ADAMTS3: variants seen among roughly 807,000 people sequenced by gnomAD.
The protein encoded by ADAMTS3 is A disintegrin and metalloproteinase with thrombospondin motifs 3.
A neutral mutation model predicts 129.0 loss-of-function variants in ADAMTS3; 73 were observed. The observed-to-expected ratio is 0.57, with a 90% CI of 0.47 to 0.69. The LOEUF (loss-of-function observed/expected upper bound fraction) is 0.69. Among genes scored for constraint, ADAMTS3 ranks in the 30% least tolerant of loss-of-function variants. ADAMTS3 has a pLI of 0.00. For synonymous variants in ADAMTS3, 477 were observed against 510.8 expected (o/e 0.93, Z 0.89); for missense variants, 1,457 against 1,514.5 (o/e 0.96, Z 0.63).
intron 19 of ADAMTS3, among the ~76,000 whole-genome samples, chr4:72,294,047 T>A (rs1718744877): frequency 6.6e-6 from 1 of 151,922 alleles, no homozygotes; most frequent in East Asian, 1.9e-4. Context: ...ACGGGAGAAT[T>A]TTTTTCAAAA....
chr4:72,336,764 T>C (rs1203882324), intron 5 of ADAMTS3, among the ~76,000 whole-genome samples: 3 of 152,162 alleles, frequency 2.0e-5, no homozygotes, highest in Non-Finnish European at 4.4e-5. Flanking sequence ...AAAAATTCTA[T>C]GCTGTGTAGG....
intron 4 of ADAMTS3, among the ~76,000 whole-genome samples, chr4:72,346,168 C>T (rs1720279128): frequency 6.6e-6 from 1 of 152,086 alleles, no homozygotes; most frequent in South Asian, 2.1e-4. Flanking sequence ...ATTGTGTCTT[C>T]CTGCATTACT....
intron 3 of ADAMTS3, among the ~76,000 whole-genome samples, chr4:72,519,477 A>G (rs1195376203): frequency 1.3e-5 from 2 of 152,164 alleles, no homozygotes; most frequent in Non-Finnish European, 2.9e-5. Context: ...AGGTACACAA[A>G]TCAGACATAG....
chr4:72,454,605 TG>T (rs1420014805), intron 3 of ADAMTS3, among the ~76,000 whole-genome samples: 6 of 151,748 alleles, frequency 4.0e-5, no homozygotes, highest in Non-Finnish European at 8.8e-5. Context: ...TTGTTGTTCT[TG>T]CCCATTATTA....
chr4:72,315,128 T>C (rs994353055), intron 11 of ADAMTS3, among the ~76,000 whole-genome samples: 1 of 152,176 alleles, frequency 6.6e-6, no homozygotes, highest in Non-Finnish European at 1.5e-5. Context: ...ACTTTATTTC[T>C]GGGCAACTTT....
In ADAMTS3 at chr4:72,541,660, C is replaced by G. The variant is rs1443771275; in HGVS notation, c.504+6818G>C. Among the ~76,000 whole-genome samples the G allele has an allele frequency of 3.9e-5, 6 of 152,104 alleles. No homozygotes were observed. The East Asian group carries it at 7.7e-4, about 20-fold the overall frequency. ...ATCATGGGGGTGCGTTTTTCCCATGCTGTTTTTGTGATAGTGAATATGTCT... is the reference window on the plus strand; with the variant it reads ...ATCATGGGGGTGCGTTTTTCCCATGGTGTTTTTGTGATAGTGAATATGTCT... On this transcript the variant is annotated intron_variant, in intron 3 of 21. Coordinates refer to ENST00000286657, the MANE Select transcript of ADAMTS3 (RefSeq NM_014243.3).
At position 72,283,596 on chromosome 4, in the gene ADAMTS3, C is replaced by A. The variant is rs370314161; in HGVS notation, c.3158G>T (p.Arg1053Leu). Residue 1053 changes from arginine (R) to leucine (L), a missense_variant, in exon 22 of 22, where the codon CGC becomes CTC. Transcript: ENST00000286657. Reference protein sequence around the residue: ...NKLCCESCSKRSSTLPPPYLL... With the variant: ...NKLCCESCSKLSSTLPPPYLL... ...GTATGGTGGTGGCAGGGTGCTACTGCGCTTGCTGCAGGACTCACAACATAA... is the reference window on the plus strand; with the variant it reads ...GTATGGTGGTGGCAGGGTGCTACTGAGCTTGCTGCAGGACTCACAACATAA... 1.2e-6 allele frequency: 2 copies of A among 1,613,790 alleles called. No individual in the cohort carries two copies. The highest frequency in any genetic ancestry group is 1.7e-6 in the Non-Finnish European group (2 of 1,179,926).
In ADAMTS3 at chr4:72,283,655, C is replaced by A. The variant is rs1483302079; in HGVS notation, c.3099G>T (p.Leu1033Phe). ...DKSIFCQMEV[L>F]ARYCSIPGYN... ...AACCTGGTATGGAGCAGTATCGTGC[C>A]AACACTTCCATTTGACAGAATATGG... Residue 1033 changes from leucine (L) to phenylalanine (F), a missense_variant, in exon 22 of 22, where the codon TTG (leucine) becomes TTT (phenylalanine). Coordinates refer to ENST00000286657, the MANE Select transcript of ADAMTS3 (RefSeq NM_014243.3). 1 of 1,611,428 alleles carries A rather than the reference C, an allele frequency of 6.2e-7. No individual in the cohort carries two copies. Among genetic ancestry groups the A allele is most frequent in the South Asian group, 1.1e-5 (1 of 90,796 alleles).
rs186539976 is a variant in ADAMTS3 at position 72,436,778 on chromosome 4, T to C, written c.505-21807A>G. Among the ~76,000 whole-genome samples the C allele has an allele frequency of 5.6e-3, 854 of 152,042 alleles. 3 individuals carry two copies. Among genetic ancestry groups the C allele is most frequent in the Non-Finnish European group, 9.5e-3 (648 of 67,970 alleles). On this transcript the variant is annotated intron_variant, in intron 3 of 21. Coordinates refer to ENST00000286657, the MANE Select transcript of ADAMTS3 (RefSeq NM_014243.3). ...AGGACAGAAAACCAAACACCGCATGTTCTCACTCATAGGTGGGAATTGAAC... is the reference window on the plus strand; with the variant it reads ...AGGACAGAAAACCAAACACCGCATGCTCTCACTCATAGGTGGGAATTGAAC...
intron 3 of ADAMTS3, among the ~76,000 whole-genome samples, chr4:72,439,870 T>C (rs1481671): frequency 0.62 from 93,349 of 151,424 alleles, 29,574 homozygotes; most frequent in South Asian, 0.79. Flanking sequence ...CCAAAGGCAA[T>C]AATTTTCTAA....
chr4:72,557,331 A>G (rs557755560), intron 2 of ADAMTS3, among the ~76,000 whole-genome samples: 4 of 151,796 alleles, frequency 2.6e-5, no homozygotes. Context: ...CAAAGGGCTC[A>G]GCAAAGCCGT....
intron 4 of ADAMTS3, among the ~76,000 whole-genome samples, chr4:72,411,359 G>C (rs1466735559): frequency 6.6e-6 from 1 of 152,006 alleles, no homozygotes; most frequent in African/African-American, 2.4e-5. Flanking sequence ...CCAGAGTGTG[G>C]GAGAAGCACA....
chr4:72,284,623 GGATAC>G (rs1578549314), intron 21 of ADAMTS3, among the ~76,000 whole-genome samples: 1 of 151,934 alleles, frequency 6.6e-6, no homozygotes, highest in East Asian at 1.9e-4. Flanking sequence ...TATGTTTAAA[GGATAC>G]TTAGTAACAC....
intron 4 of ADAMTS3, among the ~76,000 whole-genome samples, chr4:72,362,946 A>T (rs1187705006): frequency 6.6e-6 from 1 of 152,060 alleles, no homozygotes; most frequent in Non-Finnish European, 1.5e-5. Context: ...AAACACTTTA[A>T]TTTTTTTCAA....
intron 4 of ADAMTS3, among the ~76,000 whole-genome samples, chr4:72,398,116 C>A (rs74373236): frequency 0.045 from 6,784 of 152,184 alleles, 172 homozygotes; most frequent in Non-Finnish European, 0.052. Context: ...CTGAGAACAA[C>A]AATCTGTTGA....
Position 72,414,962 on chromosome 4 carries a change from T to G in ADAMTS3, c.514A>C (p.Ile172Leu). ...AAATACTCTTCATTATCACTTTTTA[T>G]CATTCCAGCCTAGAGAAAGCACAAA... is the stretch of plus-strand genomic sequence containing the variant. ...ISNCDGLAGM[I>L]KSDNEEYFIE... Residue 172 changes from isoleucine (I) to leucine (L), a missense_variant, in exon 4 of 22, where the codon ATA becomes CTA. Coordinates refer to ENST00000286657, the MANE Select transcript of ADAMTS3 (RefSeq NM_014243.3). 6.5e-7 allele frequency: 1 copy of G among 1,535,224 alleles called. No homozygotes were observed. Among genetic ancestry groups the G allele is most frequent in the Non-Finnish European group, 8.7e-7 (1 of 1,146,140 alleles).
intron 4 of ADAMTS3, among the ~76,000 whole-genome samples, chr4:72,406,674 T>C (rs1722061410): frequency 6.6e-6 from 1 of 152,156 alleles, no homozygotes; most frequent in Non-Finnish European, 1.5e-5. Context: ...GCTGAGCAAA[T>C]ATTCAGGTCC....
At chr4:72,423,974 C>T (rs1392159287) in intron 3 of ADAMTS3, among the ~76,000 whole-genome samples, 1 of 152,004 alleles carries the variant, frequency 6.6e-6, no homozygotes, top group Non-Finnish European at 1.5e-5. Context: ...CTCTTTTGAA[C>T]TCCCAGAATT....
intron 3 of ADAMTS3, among the ~76,000 whole-genome samples, chr4:72,513,031 T>G (rs1467085879): frequency 6.6e-6 from 1 of 152,162 alleles, no homozygotes; most frequent in Non-Finnish European, 1.5e-5. Context: ...TAATTCTATC[T>G]ATTGTCTCAG....
Sources: allele counts gnomAD v4.1 joint callset (sites outside exome capture counted in the v4.1 genomes callset), GRCh38; gene constraint gnomAD v4.1.1; transcripts MANE v1.5; gene names NCBI Gene and HGNC (gene_info 2026-07-23, HGNC 2026-07-21).